NRXN3: variants seen among roughly 807,000 people sequenced by gnomAD.
The protein encoded by NRXN3 is neurexin III.
Under a neutral mutation model 137.6 loss-of-function variants are expected in NRXN3, and 32 were observed. The observed-to-expected ratio is 0.23, with a 90% CI of 0.18 to 0.31. The LOEUF (loss-of-function observed/expected upper bound fraction) is 0.31. Ranked by LOEUF, NRXN3 falls within the 10% of genes least tolerant of loss-of-function variation. The pLI, the probability that NRXN3 is intolerant of heterozygous loss-of-function variation, is 1.00. For synonymous variants in NRXN3, 798 were observed against 784.5 expected (o/e 1.02, Z -0.29); for missense variants, 1,574 against 2,062.5 (o/e 0.76, Z 4.59).
At chr14:79,605,986 C>T (rs986675534) in intron 16 of NRXN3, among the ~76,000 whole-genome samples, 106 of 152,148 alleles carry the variant, frequency 7.0e-4, no homozygotes, top group African/African-American at 2.3e-3. Context: ...AGGGGCTCCA[C>T]GAGTTCCAAA....
intron 20 of NRXN3, among the ~76,000 whole-genome samples, chr14:79,837,207 A>G (rs2099345931): frequency 1.3e-5 from 2 of 152,182 alleles, no homozygotes; most frequent in African/African-American, 2.4e-5. Flanking sequence ...CAGTATCTAC[A>G]GTCCATTCAA....
intron 15 of NRXN3, among the ~76,000 whole-genome samples, chr14:79,153,475 A>T (rs2059979970): frequency 6.6e-6 from 1 of 151,830 alleles, no homozygotes; most frequent in East Asian, 1.9e-4. Flanking sequence ...CTTACATTTG[A>T]TCCACCCATT....
At chr14:78,422,177 CTTT>C (rs2093473837) in intron 4 of NRXN3, among the ~76,000 whole-genome samples, 1 of 152,180 alleles carries the variant, frequency 6.6e-6, no homozygotes, top group East Asian at 1.9e-4. Flanking sequence ...CTGGGGGTCA[CTTT>C]TTCACTCTTC....
intron 10 of NRXN3, among the ~76,000 whole-genome samples, chr14:78,910,374 G>C (rs2099233578): frequency 6.6e-6 from 1 of 152,106 alleles, no homozygotes; most frequent in African/African-American, 2.4e-5. Context: ...GCAAAGAAGA[G>C]CACTTCCTTG....
intron 10 of NRXN3, among the ~76,000 whole-genome samples, chr14:78,899,590 T>C (rs932756105): frequency 6.6e-6 from 1 of 151,996 alleles, no homozygotes; most frequent in Non-Finnish European, 1.5e-5. Flanking sequence ...TTAAGGGTTA[T>C]TATGAATACC....
intron 8 of NRXN3, among the ~76,000 whole-genome samples, chr14:78,773,216 C>T (rs1328579746): frequency 6.6e-6 from 1 of 152,160 alleles, no homozygotes; most frequent in Admixed American, 6.5e-5. Flanking sequence ...ATTGCTATTC[C>T]CATGTCTCTA....
At chr14:79,107,576 A>G (rs1472055866) in intron 15 of NRXN3, among the ~76,000 whole-genome samples, 1 of 152,150 alleles carries the variant, frequency 6.6e-6, no homozygotes, top group African/African-American at 2.4e-5. Context: ...GGAGGGAGCT[A>G]GAGAGGAAAA....
intron 10 of NRXN3, among the ~76,000 whole-genome samples, chr14:78,888,509 A>G (rs1324824683): frequency 6.6e-6 from 1 of 152,062 alleles, no homozygotes; most frequent in Non-Finnish European, 1.5e-5. Context: ...TTTAAAACAA[A>G]AATTTTCCTA....
intron 19 of NRXN3, among the ~76,000 whole-genome samples, chr14:79,731,636 C>T (rs1201587616): frequency 2.7e-5 from 4 of 146,010 alleles, no homozygotes; most frequent in East Asian, 2.0e-4. Flanking sequence ...TATTTTTTCC[C>T]TTCCTTCTTT....
At chr14:78,592,875 A>G (rs139618934) in intron 4 of NRXN3, among the ~76,000 whole-genome samples, 1 of 152,328 alleles carries the variant, frequency 6.6e-6, no homozygotes, top group Admixed American at 6.5e-5. Flanking sequence ...CACAACAGTT[A>G]ATCTGTAGTA....
At position 78,979,083 on chromosome 14, in the gene NRXN3, C is replaced by T. The variant is rs149955664; in HGVS notation, c.3143-8939C>T. ...CTTTTTCTTCTATTCAGAATAGGAC[C>T]ACAACAGATTGGATGATGCCTACTC... On this transcript the variant is annotated intron_variant, in intron 14 of 20. Transcript: ENST00000335750. 4.7e-3 allele frequency among the ~76,000 whole-genome samples: 720 copies of T among 152,132 alleles called. 4 individuals are homozygous for T. The highest frequency in any genetic ancestry group is 7.7e-3 in the Non-Finnish European group (527 of 68,002).
At chr14:78,250,432 A>T (rs147218225) in intron 2 of NRXN3, among the ~76,000 whole-genome samples, 1 of 152,168 alleles carries the variant, frequency 6.6e-6, no homozygotes, top group East Asian at 1.9e-4. Context: ...AGCGACCCCT[A>T]CCTCCACCAG....
chr14:78,332,082 C>A (rs1190833524), intron 4 of NRXN3, among the ~76,000 whole-genome samples: 1 of 152,128 alleles, frequency 6.6e-6, no homozygotes, highest in Non-Finnish European at 1.5e-5. Context: ...AGTCATTTAA[C>A]CTCTCTGAAC....
intron 15 of NRXN3, among the ~76,000 whole-genome samples, chr14:79,261,263 C>G (rs1326512208): frequency 1.3e-5 from 2 of 152,236 alleles, no homozygotes; most frequent in East Asian, 3.9e-4. Flanking sequence ...ATTCAACATA[C>G]TTTGTTGATC....
At chr14:79,110,484 T>G (rs1328497288) in intron 15 of NRXN3, among the ~76,000 whole-genome samples, 7 of 152,356 alleles carry the variant, frequency 4.6e-5, no homozygotes, top group East Asian at 1.9e-4. Flanking sequence ...GTCACTTTTG[T>G]CTTTTTATTC....
At position 79,849,842 on chromosome 14, in the gene NRXN3, G is replaced by A. The variant is rs144701812; in HGVS notation, c.4094-11500G>A. ...ATTACTGTACCGCATTATGAAATGGGTTCCTTCACCCCTTTTCTGAGCACC... is the reference window on the plus strand; with the variant it reads ...ATTACTGTACCGCATTATGAAATGGATTCCTTCACCCCTTTTCTGAGCACC... On this transcript the variant is annotated intron_variant, in intron 20 of 20. Coordinates refer to ENST00000335750, the MANE Select transcript of NRXN3 (RefSeq NM_001330195.2). Among the ~76,000 whole-genome samples the A allele has an allele frequency of 5.2e-3, 794 of 152,224 alleles. 10 individuals carry two copies. Among genetic ancestry groups the A allele is most frequent in the African/African-American group, 0.018 (763 of 41,542 alleles).
chr14:78,593,373 G>A (rs1477862886), intron 4 of NRXN3, among the ~76,000 whole-genome samples: 4 of 152,178 alleles, frequency 2.6e-5, no homozygotes, highest in African/African-American at 9.7e-5. Flanking sequence ...CCTTCTGAGA[G>A]GCCAGGGAAC....
chr14:79,550,955 A>C (rs913975737), intron 16 of NRXN3, among the ~76,000 whole-genome samples: 6 of 152,230 alleles, frequency 3.9e-5, no homozygotes, highest in African/African-American at 1.4e-4. Context: ...AAAAGTTCCT[A>C]AAGTGGAGGT....
At chr14:79,637,340 T>G (rs538792640) in intron 16 of NRXN3, among the ~76,000 whole-genome samples, 2 of 152,192 alleles carry the variant, frequency 1.3e-5, no homozygotes, top group Non-Finnish European at 2.9e-5. Flanking sequence ...GAGTTCATAA[T>G]CAGGGTGTCC....
Sources: gnomAD v4.1 joint callset for allele counts (sites outside exome capture counted in the v4.1 genomes callset) on GRCh38, gnomAD v4.1.1 for gene constraint, MANE v1.5 for transcripts, NCBI Gene and HGNC (gene_info 2026-07-23, HGNC 2026-07-21) for gene names.